Variants in IL13RA1 observed in about 807,000 individuals in gnomAD.
IL13RA1 encodes the protein interleukin-13 receptor subunit alpha-1.
In IL13RA1, 14 loss-of-function variants were observed where a neutral mutation model predicts 33.8. That is an observed-to-expected ratio of 0.41 (90% CI 0.27 to 0.65). The LOEUF (loss-of-function observed/expected upper bound fraction) is 0.65, where lower values mean the gene tolerates loss of function less well. IL13RA1 is among the 30% of genes least tolerant of loss of function. The pLI is 0.28. For synonymous variants in IL13RA1, 116 were observed against 115.7 expected (o/e 1.00, Z -0.02); for missense variants, 313 against 327.0 (o/e 0.96, Z 0.33).
At chrX:118,785,285 C>T (rs2017903726) in intron 10 of IL13RA1, among the ~76,000 whole-genome samples, 1 of 109,081 alleles carries the variant, frequency 9.2e-6, no homozygotes, top group Admixed American at 9.8e-5. Flanking sequence ...TTTAGAGATG[C>T]AGTCTTGCTG....
chrX:118,770,653 A>G (rs1182847739), intron 8 of IL13RA1: 5 of 399,617 alleles, frequency 1.3e-5, no homozygotes, highest in Non-Finnish European at 2.4e-5. Flanking sequence ...CTGTGTCAAC[A>G]TCACCTACAA....
chrX:118,787,746 C>T (rs963517902), intron 10 of IL13RA1, among the ~76,000 whole-genome samples: 13 of 111,786 alleles, frequency 1.2e-4, no homozygotes, highest in Non-Finnish European at 2.4e-4. Context: ...TGATATTTCT[C>T]GTACCTGTTT....
chrX:118,730,403 G>T (rs1405344121), intron 1 of IL13RA1, among the ~76,000 whole-genome samples: 1 of 112,161 alleles, frequency 8.9e-6, no homozygotes. Context: ...AGAAAAAGCT[G>T]ACGGTTGGTA....
chrX:118,746,974 T>C lies in IL13RA1; in HGVS notation c.249T>C (p.Arg83=), dbSNP rs1302897563. 7 of 1,189,170 alleles carry C rather than the reference T, an allele frequency of 5.9e-6. No individual in the cohort carries two copies. In the African/African-American group the frequency reaches 1.2e-4, roughly 21 times the overall value. The change falls in exon 3 of 11, where the codon CGT becomes CGC. Residue 83 remains arginine (R), a synonymous_variant. Coordinates refer to ENST00000371666, the MANE Select transcript of IL13RA1 (RefSeq NM_001560.3). Reference sequence around the variant, plus strand: ...CTTAGAAAATAGCTCCGGAAACTCGTCGTTCAATAGAAGTACCCCTGAATG... The same window carrying C: ...CTTAGAAAATAGCTCCGGAAACTCGCCGTTCAATAGAAGTACCCCTGAATG... The part of the protein sequence containing the change: ...KQDKKIAPET[R]RSIEVPLNER...
At chrX:118,735,475 C>T (rs868492151) in intron 1 of IL13RA1, among the ~76,000 whole-genome samples, 5 of 111,988 alleles carry the variant, frequency 4.5e-5, no homozygotes, top group African/African-American at 9.7e-5. Flanking sequence ...GTACTGCTTT[C>T]GCTGCATCGT....
intron 1 of IL13RA1, among the ~76,000 whole-genome samples, chrX:118,736,719 A>T: frequency 8.9e-6 from 1 of 111,899 alleles, no homozygotes; most frequent in Admixed American, 9.5e-5. Flanking sequence ...TGATCCTCCC[A>T]CTTCAGTCTC....
chrX:118,770,549 T>C lies in IL13RA1; in HGVS notation c.1010-3330T>C, dbSNP rs781384978. On this transcript the variant is annotated intron_variant, in intron 8 of 10. Coordinates refer to ENST00000371666, the MANE Select transcript of IL13RA1 (RefSeq NM_001560.3). ...CAGGACTTCGTGGTGTGGATGCGCA[T>C]GGCAGCGCTGCCCACGTTCCGCAAG... 3.8e-6 allele frequency: 2 copies of C among 526,143 alleles called. 1 individual carries two copies. Among genetic ancestry groups the C allele is most frequent in the Non-Finnish European group, 6.6e-6 (2 of 302,441 alleles). The allele number at this position is 526,143 out of a possible 1,213,427, so 43.4% of individuals were successfully genotyped here.
chrX:118,786,515 G>A (rs977658676), intron 10 of IL13RA1, among the ~76,000 whole-genome samples: 10 of 112,233 alleles, frequency 8.9e-5, no homozygotes, highest in African/African-American at 1.9e-4. Flanking sequence ...GATTATAGGC[G>A]TGAACAACCA....
At chrX:118,801,333 A>G in the IL13RA1 span, among the ~76,000 whole-genome samples, 20 of 111,975 alleles carry the variant, frequency 1.8e-4, no homozygotes, top group Non-Finnish European at 2.6e-4. Context: ...AATTTTAATG[A>G]TATGCCTTAT....
chrX:118,739,534 AG>A (rs962026071), intron 1 of IL13RA1, among the ~76,000 whole-genome samples: 1 of 112,203 alleles, frequency 8.9e-6, no homozygotes, highest in African/African-American at 3.2e-5. Flanking sequence ...TCATCACTTT[AG>A]AAAATTTGGG....
At chrX:118,749,958 T>C (rs1172113653) in intron 4 of IL13RA1, among the ~76,000 whole-genome samples, 180 bp downstream of exon 4, 1 of 112,108 alleles carries the variant, frequency 8.9e-6, no homozygotes, top group Non-Finnish European at 1.9e-5. Flanking sequence ...ATAAACTTTC[T>C]ATTTTTAAAT....
At chrX:118,750,456 C>G (rs2017459250) in intron 4 of IL13RA1, among the ~76,000 whole-genome samples, 1 of 110,673 alleles carries the variant, frequency 9.0e-6, no homozygotes, top group African/African-American at 3.3e-5. Context: ...CGAGGCCACT[C>G]CTTTTTATAG....
chrX:118,796,788 G>C (rs893312286), downstream of IL13RA1, among the ~76,000 whole-genome samples: 1 of 112,395 alleles, frequency 8.9e-6, no homozygotes, highest in Admixed American at 9.4e-5. Flanking sequence ...CGCCCGCCTC[G>C]GCCTCCCAAA....
intron 1 of IL13RA1, 84 bp downstream of exon 1, chrX:118,727,810 G>T: frequency 2.5e-6 from 1 of 407,368 alleles, no homozygotes; most frequent in Non-Finnish European, 3.5e-6. Context: ...GGAGGTCAAC[G>T]CCGGGCGGAG....
intron 10 of IL13RA1, among the ~76,000 whole-genome samples, chrX:118,782,230 A>T (rs1376257795): frequency 1.8e-5 from 2 of 110,617 alleles, no homozygotes; most frequent in Non-Finnish European, 3.8e-5. Context: ...GTGCCACCAC[A>T]CTCAGCTAAT....
the IL13RA1 span, among the ~76,000 whole-genome samples, chrX:118,801,527 G>A: frequency 5.4e-5 from 6 of 111,751 alleles, no homozygotes; most frequent in Admixed American, 3.8e-4. Context: ...TGTAATTTTC[G>A]TATCTTTTTT....
intron 6 of IL13RA1, chrX:118,761,528 G>A (rs763480650): frequency 1.7e-5 from 4 of 239,845 alleles, no homozygotes; most frequent in African/African-American, 8.6e-5. Flanking sequence ...CCTATTAAAC[G>A]ATAATTCATT....
At chrX:118,777,014 TATA>T (rs1437934520) in intron 10 of IL13RA1, among the ~76,000 whole-genome samples, 1 of 106,677 alleles carries the variant, frequency 9.4e-6, no homozygotes, top group African/African-American at 3.4e-5. Context: ...TATATATATA[TATA>T]TATACACACA....
chrX:118,798,674 C>T (rs980522057), downstream of IL13RA1, among the ~76,000 whole-genome samples: 5 of 112,546 alleles, frequency 4.4e-5, no homozygotes, highest in African/African-American at 1.6e-4. Context: ...TTTTGCTGGA[C>T]CACACCGTTT....
Sources: allele counts gnomAD v4.1 joint callset (sites outside exome capture counted in the v4.1 genomes callset), GRCh38; gene constraint gnomAD v4.1.1; transcripts MANE v1.5; gene names NCBI Gene and HGNC (gene_info 2026-07-23, HGNC 2026-07-21).